Variants in WDR26 observed in about 807,000 individuals in gnomAD.
WDR26 encodes WD repeat domain 26.
A neutral mutation model predicts 84.1 loss-of-function variants in WDR26; 5 were observed. The ratio of observed to expected loss-of-function variants is 0.06; its 90% confidence interval spans 0.03 to 0.13. The LOEUF is 0.13. WDR26 is among the 10% of genes least tolerant of loss of function. The probability of loss-of-function intolerance (pLI) is 1.00; values close to 1 mark genes in which losing one functional copy is unlikely to be tolerated. For missense variants in WDR26, 642 were observed against 974.9 expected (o/e 0.66, Z 4.55); for synonymous variants, 415 against 389.6 (o/e 1.07, Z -0.77).
At chr1:224,418,137 T>C (rs1039730981) in intron 6 of WDR26, 123 bp downstream of exon 6, 12 of 751,772 alleles carry the variant, frequency 1.6e-5, no homozygotes, top group Middle Eastern at 8.5e-4. Context: ...CCAGCTTTAC[T>C]CGTGAACAAA....
intron 6 of WDR26, among the ~76,000 whole-genome samples, chr1:224,414,407 A>G (rs1673832742): frequency 6.6e-6 from 1 of 152,138 alleles, no homozygotes; most frequent in African/African-American, 2.4e-5. Context: ...TGCCCTGCCT[A>G]GAAATTGTAT....
intron 4 of WDR26, among the ~76,000 whole-genome samples, chr1:224,421,836 A>T (rs1353747458): frequency 6.6e-6 from 1 of 152,226 alleles, no homozygotes; most frequent in African/African-American, 2.4e-5. Flanking sequence ...TGACTTTGGA[A>T]TCAGTCAAAC....
In WDR26 at chr1:224,389,390, T is replaced by C. The variant is rs1673063784; in HGVS notation, c.*445A>G. 3.1e-6 allele frequency: 1 copy of C among 327,544 alleles called. No homozygotes were observed. The highest frequency in any genetic ancestry group is 1.2e-4 in the South Asian group (1 of 8,260). The allele number at this position is 327,544 out of a possible 1,614,324, so 20.3% of individuals were successfully genotyped here. A position where few individuals can be genotyped will look rare whatever the true frequency, so the allele number is the denominator to read the frequency against. On this transcript the variant is annotated 3_prime_UTR_variant, in exon 14 of 14. Coordinates refer to ENST00000414423, the MANE Select transcript of WDR26 (RefSeq NM_001379403.1). Reference sequence around the variant, plus strand: ...GGAGAAACAAAAGAAGGAAATTCTTTCCTATCCAATGTATACTCTTCAGAC... The same window carrying C: ...GGAGAAACAAAAGAAGGAAATTCTTCCCTATCCAATGTATACTCTTCAGAC...
chr1:224,419,695 G>A, intron 4 of WDR26, 80 bp from the exon 5 acceptor site: 3 of 1,103,182 alleles, frequency 2.7e-6, no homozygotes, highest in Non-Finnish European at 4.1e-6. Context: ...CTGACCATCT[G>A]GCTATCTGCT....
intron 4 of WDR26, among the ~76,000 whole-genome samples, chr1:224,422,123 G>A (rs915700541): frequency 3.9e-5 from 6 of 152,212 alleles, no homozygotes; most frequent in African/African-American, 1.4e-4. Context: ...TGATGCTTGG[G>A]CTGGGAGCTG....
chr1:224,425,882 C>CA (rs1161273601), intron 3 of WDR26, among the ~76,000 whole-genome samples: 1 of 151,402 alleles, frequency 6.6e-6, no homozygotes, highest in Non-Finnish European at 1.5e-5. Flanking sequence ...TTTTTTGAGA[C>CA]AGAGTCTCAC....
Position 224,429,260 on chromosome 1 carries a change from CA to C in WDR26, c.927+2216del, listed in dbSNP as rs1266985986. The C allele has an allele frequency of 7.5e-3, 742 of 99,256 alleles. 4 individuals carry two copies. Among genetic ancestry groups the C allele is most frequent in the Admixed American group, 0.015 (138 of 9,414 alleles). The allele number at this position is 99,256 out of a possible 1,614,324, so 6.1% of individuals were successfully genotyped here. ...TGGGCGACAGAGCGAGACTCCATCT[CA>C]AAAAAAAAAAAACAAAACAAACAAA... is the stretch of plus-strand genomic sequence containing the variant. On this transcript the variant is annotated intron_variant, in intron 3 of 13. Coordinates refer to ENST00000414423, the MANE Select transcript of WDR26 (RefSeq NM_001379403.1).
intron 7 of WDR26, among the ~76,000 whole-genome samples, chr1:224,411,223 A>C (rs1558429879): frequency 6.6e-6 from 1 of 152,198 alleles, no homozygotes; most frequent in African/African-American, 2.4e-5. Flanking sequence ...ATTTAACATT[A>C]TTGTTAGCAC....
rs570311067 is a variant in WDR26, at chr1:224,389,267, G to A, written c.*568C>T. 2 of 165,596 alleles carry A rather than the reference G, an allele frequency of 1.2e-5. No individual in the cohort carries two copies. The highest frequency in any genetic ancestry group is 3.5e-4 in the East Asian group (2 of 5,788). The allele number at this position is 165,596 out of a possible 1,614,324, so 10.3% of individuals were successfully genotyped here. On this transcript the variant is annotated 3_prime_UTR_variant, in exon 14 of 14. Coordinates refer to ENST00000414423, the MANE Select transcript of WDR26 (RefSeq NM_001379403.1). ...GAGAGTGCTTTTGACATAGTTCACT[G>A]GTTTATCATCTGGATCAGTATATAC...
chr1:224,426,743 G>GA (rs1674221131), intron 3 of WDR26, among the ~76,000 whole-genome samples: 1 of 151,452 alleles, frequency 6.6e-6, no homozygotes, highest in South Asian at 2.1e-4. Flanking sequence ...TTTAGCTTCT[G>GA]AAAAAAATGC....
intron 12 of WDR26, among the ~76,000 whole-genome samples, chr1:224,396,296 A>G (rs1673258028): frequency 6.6e-6 from 1 of 152,162 alleles, no homozygotes; most frequent in Non-Finnish European, 1.5e-5. Context: ...ACATAATTTT[A>G]AGTACCTCTA....
rs1673194744 is a variant in WDR26 at position 224,394,089 on chromosome 1, A to G, written c.2075-76T>C. ...ACTGATCTTAAATTTATCATTCACT[A>G]CACACAGGACTCTTTACTAGAACTT... On this transcript the variant is annotated intron_variant, in intron 12 of 13. Coordinates refer to ENST00000414423, the MANE Select transcript of WDR26 (RefSeq NM_001379403.1). The G allele has an allele frequency of 3.6e-6, 4 of 1,113,210 alleles. No individual in the cohort carries two copies. In the East Asian group the frequency reaches 1.0e-4, roughly 29 times the overall value. 69.0% of individuals were successfully genotyped at this position (1,113,210 alleles called of 1,614,324 possible).
In WDR26 at chr1:224,434,174, C is replaced by T. The variant is rs1357017936; in HGVS notation, c.232G>A (p.Ala78Thr). The change falls in exon 1 of 14, where the codon GCT (alanine) becomes ACT (threonine). Residue 78 changes from alanine (A) to threonine (T), a missense_variant. By Grantham distance (58) the Ala-to-Thr change is moderately conservative (BLOSUM62 0). Coordinates refer to ENST00000414423, the MANE Select transcript of WDR26 (RefSeq NM_001379403.1). ...ACAGCAGCGGCGGCGGGAGGGGCAG[C>T]AGCCGGGGGAAGTCCCACCACTACC... 3 of 1,421,772 alleles carry T rather than the reference C, an allele frequency of 2.1e-6. No individual in the cohort carries two copies. The allele number at this position is 1,421,772 out of a possible 1,614,324, so 88.1% of individuals were successfully genotyped here. A position where few individuals can be genotyped will look rare whatever the true frequency, so the allele number is the denominator to read the frequency against.
At chr1:224,407,150 A>AAAAAAAG (rs1558426059) in intron 7 of WDR26, among the ~76,000 whole-genome samples, 5 of 65,760 alleles carry the variant, frequency 7.6e-5, no homozygotes, top group Admixed American at 1.8e-4. Context: ...AAAAAAAAAA[A>AAAAAAAG]AATATATATA....
At chr1:224,419,641 C>A in intron 4 of WDR26, 26 bp from the exon 5 acceptor site, 2 of 1,524,904 alleles carry the variant, frequency 1.3e-6, no homozygotes, top group Non-Finnish European at 1.8e-6. Context: ...AGAAAGCAAC[C>A]AATATTAAAC....
At chr1:224,390,965 T>A (rs1558411818) in intron 13 of WDR26, among the ~76,000 whole-genome samples, 1 of 152,180 alleles carries the variant, frequency 6.6e-6, no homozygotes. Flanking sequence ...CTATTTCATA[T>A]AAATGGAATC....
rs778576808 is a variant in WDR26 at position 224,404,526 on chromosome 1, A to G, written c.1503T>C (p.Ala501=). ...TCCATGCAATATAAGAAACGCCATAAGCATGTCCTTCTAATGTTTTAAGCA... is the reference window on the plus strand; with the variant it reads ...TCCATGCAATATAAGAAACGCCATAGGCATGTCCTTCTAATGTTTTAAGCA... Residue 501 remains alanine (A), a synonymous_variant, in exon 8 of 14, where the codon GCT becomes GCC. Transcript: ENST00000414423. 5.0e-6 allele frequency: 8 copies of G among 1,613,910 alleles called. No homozygotes were observed. The Admixed American group carries it at 1.3e-4, about 27-fold the overall frequency.
chr1:224,405,216 A>G (rs559780057), intron 7 of WDR26, among the ~76,000 whole-genome samples: 1 of 152,288 alleles, frequency 6.6e-6, no homozygotes, highest in South Asian at 2.1e-4. Context: ...TCTTTCAGTT[A>G]GCATGTTTTC....
At chr1:224,401,204 T>G in intron 8 of WDR26, 135 bp from the exon 9 acceptor site, 1 of 827,354 alleles carries the variant, frequency 1.2e-6, no homozygotes. Context: ...TAAGTGACCC[T>G]ACAAAAAAGA....
Sources: gnomAD v4.1 joint callset for allele counts (sites outside exome capture counted in the v4.1 genomes callset) on GRCh38, gnomAD v4.1.1 for gene constraint, MANE v1.5 for transcripts, NCBI Gene and HGNC (gene_info 2026-07-23, HGNC 2026-07-21) for gene names.